The following SIRT6 variants were observed in gnomAD, a reference collection of about 807,000 sequenced individuals.
SIRT6 encodes sirtuin 6.
Under a neutral mutation model 33.6 loss-of-function variants are expected in SIRT6, and 21 were observed. The ratio of observed to expected loss-of-function variants is 0.62; its 90% CI spans 0.44 to 0.90. The LOEUF (loss-of-function observed/expected upper bound fraction) is 0.90, where lower values mean the gene tolerates loss of function less well. SIRT6 is among the 40% of genes least tolerant of loss of function. The probability of loss-of-function intolerance (pLI) is 0.00; values close to 1 mark genes in which losing one functional copy is unlikely to be tolerated. For missense variants in SIRT6, 504 were observed against 510.6 expected, an observed-to-expected ratio of 0.99 and a Z score of 0.12; for synonymous variants, 221 against 223.9, an observed-to-expected ratio of 0.99 and a Z score of 0.12.
chr19:4,174,997 G>C lies in SIRT6; in HGVS notation c.738+31C>G. On this transcript the variant is annotated intron_variant, in intron 7 of 7. Transcript: ENST00000337491. This position sits in a 1 kb window ranked among gnomAD's most constrained non-coding sequence, Gnocchi z 4.2. The stretch of plus-strand genomic sequence containing the variant: ...CGTGGGGGACAGAGGGTGCATGGTG[G>C]CCCTGGGCAGGGGTAGGCTCAGACA... The C allele has an allele frequency of 6.2e-7, 1 of 1,605,584 alleles. No individual in the cohort carries two copies. Among genetic ancestry groups the C allele is most frequent in the South Asian group, 1.1e-5 (1 of 89,836 alleles).
chr19:4,182,175 C>G, intron 1 of SIRT6: 1 of 398,128 alleles, frequency 2.5e-6, no homozygotes, highest in Non-Finnish European at 4.6e-6. Context: ...GGAAACCTCC[C>G]AGGCCTAATC....
intron 1 of SIRT6, 51 bp from the exon 2 acceptor site, chr19:4,180,960 C>T: frequency 6.5e-7 from 1 of 1,534,486 alleles, no homozygotes; most frequent in Non-Finnish European, 8.8e-7. Context: ...CCCCAAGTGG[C>T]AAGGCCACGC....
Position 4,175,780 on chromosome 19 carries a change from G to A in SIRT6, c.534-20C>T, listed in dbSNP as rs1416802378. ...TCTCCCCTGCAATGAGGAAGCTGAG[G>A]AGAGTCCTCAGGGGCCTCGCAGCCT... On this transcript the variant is annotated intron_variant, in intron 5 of 7. Transcript: ENST00000337491. The A allele has an allele frequency of 6.4e-7, 1 of 1,558,680 alleles. No homozygotes were observed.
intron 3 of SIRT6, among the ~76,000 whole-genome samples, chr19:4,178,084 T>A (rs1967410640): frequency 6.6e-6 from 1 of 150,768 alleles, no homozygotes; most frequent in African/African-American, 2.4e-5. Flanking sequence ...TGGAGTGCAG[T>A]GGCGCCATCT....
intron 1 of SIRT6, chr19:4,182,171 C>G: frequency 8.0e-6 from 3 of 374,722 alleles, no homozygotes; most frequent in Non-Finnish European, 1.5e-5. Flanking sequence ...CTCTGGAAAC[C>G]TCCCAGGCCT....
chr19:4,182,004 G>T (rs1415119057), intron 1 of SIRT6, among the ~76,000 whole-genome samples: 3 of 152,074 alleles, frequency 2.0e-5, no homozygotes, highest in Non-Finnish European at 4.4e-5. Flanking sequence ...AGTGCGTGGA[G>T]GGGGCAGCCG....
chr19:4,180,723 A>G (rs1373387095), intron 2 of SIRT6, 59 bp downstream of exon 2: 7 of 1,555,946 alleles, frequency 4.5e-6, no homozygotes, highest in Non-Finnish European at 6.1e-6. Context: ...TGTGGCTCGC[A>G]GGGAAGCCTC....
At chr19:4,179,379 G>T in intron 2 of SIRT6, 93 bp from the exon 3 acceptor site, 2 of 1,343,950 alleles carry the variant, frequency 1.5e-6, no homozygotes, top group Non-Finnish European at 2.0e-6. Context: ...GAAAGTTGGA[G>T]AGAGAGAAAA....
rs1339589717 is a variant in SIRT6 at position 4,180,882 on chromosome 19, G to C, written c.94C>G (p.Arg32Gly). The C allele has an allele frequency of 1.2e-6, 2 of 1,613,016 alleles. No homozygotes were observed. The highest frequency in any genetic ancestry group is 2.7e-5 in the African/African-American group (2 of 74,866). Residue 32 changes from arginine to glycine, a missense_variant, in exon 2 of 8, where the codon CGG (arginine) becomes GGG (glycine). Coordinates refer to ENST00000337491, the MANE Select transcript of SIRT6 (RefSeq NM_016539.4). ...EIFDPPEELE[R>G]KVWELARLVW... ...AGCCTCGCCAGTTCCCACACCTTCC[G>C]CTCCAGCTCCTCCGGGGGGTCGAAG...
chr19:4,174,542 G>C lies in SIRT6; in HGVS notation c.*75C>G, dbSNP rs551185562. 2.1e-5 allele frequency: 28 copies of C among 1,312,114 alleles called. No individual in the cohort carries two copies. Among genetic ancestry groups the C allele is most frequent in the Admixed American group, 3.4e-5 (1 of 29,754 alleles). The allele number at this position is 1,312,114 out of a possible 1,614,324, so 81.3% of individuals were successfully genotyped here. A position where few individuals can be genotyped will look rare whatever the true frequency, so the allele number is the denominator to read the frequency against. On this transcript the variant is annotated 3_prime_UTR_variant, in exon 8 of 8. Coordinates refer to ENST00000337491, the MANE Select transcript of SIRT6 (RefSeq NM_016539.4). The surrounding 1 kb of genome is among the most constrained non-coding windows in gnomAD (Gnocchi z 4.2). ...CTGAGGCTCCCGGGGACAGAAACAA[G>C]TAACAAAGTGAGACCACGAGAGAAA... is the stretch of plus-strand genomic sequence containing the variant.
intron 4 of SIRT6, among the ~76,000 whole-genome samples, chr19:4,176,697 C>A (rs1967323183): frequency 6.6e-6 from 1 of 152,180 alleles, no homozygotes; most frequent in African/African-American, 2.4e-5. Context: ...AAAATCCTCC[C>A]CTACAGGTTG....
intron 2 of SIRT6, 164 bp from the exon 3 acceptor site, chr19:4,179,450 G>T: frequency 1.4e-6 from 1 of 714,252 alleles, no homozygotes; most frequent in Non-Finnish European, 2.3e-6. Context: ...AATAGAGGGT[G>T]AGTTGCAAGA....
Position 4,175,874 on chromosome 19 carries a change from G to T in SIRT6, c.501C>A (p.Thr167=). The T allele has an allele frequency of 6.4e-7, 1 of 1,566,632 alleles. No individual in the cohort carries two copies. The stretch of plus-strand genomic sequence containing the variant: ...CTCGCAGCCCCCTTGCCTTAGCCAC[G>T]GTGCAGAGCCGGCCCGTGGCCTTCA... ...MGLKATGRLC[T]VAKARGLRAC... is the part of the protein sequence containing the mutation. Residue 167 remains threonine (T), a synonymous_variant, in exon 5 of 8, where the codon ACC becomes ACA. Coordinates refer to ENST00000337491, the MANE Select transcript of SIRT6 (RefSeq NM_016539.4).
chr19:4,174,453 G>A lies in SIRT6; in HGVS notation c.*164C>T, dbSNP rs917872464. 3 of 571,758 alleles carry A rather than the reference G, an allele frequency of 5.2e-6. No homozygotes were observed. The highest frequency in any genetic ancestry group is 3.9e-5 in the African/African-American group (2 of 50,992). The allele number at this position is 571,758 out of a possible 1,614,324, so 35.4% of individuals were successfully genotyped here. On this transcript the variant is annotated 3_prime_UTR_variant, in exon 8 of 8. Coordinates refer to ENST00000337491, the MANE Select transcript of SIRT6 (RefSeq NM_016539.4). The surrounding 1 kb of genome is among the most constrained non-coding windows in gnomAD (Gnocchi z 4.2). The stretch of plus-strand genomic sequence containing the variant: ...CCCGGAACCGCACCAGAGGCCCCTG[G>A]AGCCCAGGGAGGGACCACGGAGGGC...
chr19:4,178,183 C>T (rs1446822111), intron 3 of SIRT6, among the ~76,000 whole-genome samples: 6 of 151,714 alleles, frequency 4.0e-5, no homozygotes, highest in East Asian at 2.0e-4. Context: ...TGCGCCACCA[C>T]GCCCAGCTAA....
intron 4 of SIRT6, among the ~76,000 whole-genome samples, chr19:4,176,326 C>G (rs1967303503): frequency 6.6e-6 from 1 of 152,212 alleles, no homozygotes; most frequent in African/African-American, 2.4e-5. Context: ...CGTGGTGGCT[C>G]ACGCCTGTCA....
chr19:4,178,620 C>T (rs1010437379), intron 3 of SIRT6, among the ~76,000 whole-genome samples: 2 of 151,988 alleles, frequency 1.3e-5, no homozygotes, highest in East Asian at 1.9e-4. Flanking sequence ...GAGGCTGAGG[C>T]GGGCAGATCA....
rs1967489010 is a variant in SIRT6, at chr19:4,179,280, G to C, written c.201C>G (p.Pro67=). The change falls in exon 3 of 8, where the codon CCC becomes CCG. Residue 67 remains proline (P), a synonymous_variant. Coordinates refer to ENST00000337491, the MANE Select transcript of SIRT6 (RefSeq NM_016539.4). ...TASGIPDFRG[P]HGVWTMEERG... ...GCTCCTCCATGGTCCAGACTCCGTG[G>C]GGACCCCTGAAGGTGGCAGGCCGGG... 2 of 1,600,752 alleles carry C rather than the reference G, an allele frequency of 1.2e-6. No homozygotes were observed.
chr19:4,175,502 T>C (rs1967238691), intron 6 of SIRT6, 178 bp downstream of exon 6: 2 of 641,572 alleles, frequency 3.1e-6, no homozygotes, highest in African/African-American at 1.8e-5. Flanking sequence ...CCCAGAGCCA[T>C]GAGGTGACGA....
Sources: gnomAD v4.1 joint callset for allele counts (sites outside exome capture counted in the v4.1 genomes callset) on GRCh38, gnomAD v4.1.1 for gene constraint, Gnocchi (gnomAD v3.1) non-coding constraint, MANE v1.5 for transcripts, NCBI Gene and HGNC (gene_info 2026-07-23, HGNC 2026-07-21) for gene names.